CILP: variants seen among roughly 807,000 people sequenced by gnomAD.
CILP encodes cartilage intermediate layer protein 1.
A neutral mutation model predicts 82.5 loss-of-function variants in CILP; 75 were observed. That is an observed-to-expected ratio of 0.91 (90% confidence interval 0.75 to 1.10). The LOEUF (loss-of-function observed/expected upper bound fraction) is 1.10. Among genes scored for constraint, CILP ranks in the 50% least tolerant of loss-of-function variants. The pLI is 0.00. For missense variants in CILP, 1,479 were observed against 1,530.8 expected (o/e 0.97, Z 0.56); for synonymous variants, 530 against 580.3 (o/e 0.91, Z 1.25).
chr15:65,211,044 AGAGGTT>A (rs1261574486), intron 1 of CILP, among the ~76,000 whole-genome samples: 1 of 152,230 alleles, frequency 6.6e-6, no homozygotes, highest in Non-Finnish European at 1.5e-5. Context: ...GGCAGCCCAC[AGAGGTT>A]TCTCAGCATC....
rs143814711 is a variant in CILP at position 65,204,460 on chromosome 15, T to C, written c.727A>G (p.Ile243Val). Residue 243 changes from isoleucine to valine, a missense_variant, in exon 6 of 9, where the codon ATC becomes GTC. By Grantham distance (29) the Ile-to-Val change is conservative. Coordinates refer to ENST00000261883, the MANE Select transcript of CILP (RefSeq NM_003613.4). ...PGGAPASGAAIYLLTKTPKLL... is the reference protein window; with the variant it reads ...PGGAPASGAAVYLLTKTPKLL... ...TTCGGCGTCTTGGTCAGGAGGTAGA[T>C]AGCAGCCCCTGAGGCTGGGGCACCT... is the stretch of plus-strand genomic sequence containing the variant. The C allele has an allele frequency of 1.2e-6, 2 of 1,613,998 alleles. No individual in the cohort carries two copies. The highest frequency in any genetic ancestry group is 2.2e-5 in the South Asian group (2 of 91,032).
chr15:65,198,095 C>G lies in CILP; in HGVS notation c.2191G>C (p.Val731Leu), dbSNP rs772774382. 3.1e-6 allele frequency: 5 copies of G among 1,614,124 alleles called. No homozygotes were observed. The East Asian group carries it at 1.1e-4, about 36-fold the overall frequency. ...CTCTCACGAATCTCCAGGTTGCCCA[C>G]CAGGAAGGTTCTGTCTTCTCTTTTG... The part of the protein sequence containing the change: ...RNKREDRTFL[V>L]GNLEIRERRL... The change falls in exon 9 of 9, where the codon GTG (valine) becomes CTG (leucine). Residue 731 changes from valine (V) to leucine (L), a missense_variant. Coordinates refer to ENST00000261883, the MANE Select transcript of CILP (RefSeq NM_003613.4).
chr15:65,205,570 A>T, intron 4 of CILP, 104 bp from the exon 5 acceptor site: 2 of 1,146,592 alleles, frequency 1.7e-6, no homozygotes, highest in Non-Finnish European at 2.4e-6. Flanking sequence ...CAAGGTTTCC[A>T]TTTATGTCGT....
At position 65,200,050 on chromosome 15, in the gene CILP, C is replaced by T. The variant is rs74020182; in HGVS notation, c.1187-951G>A. Among the ~76,000 whole-genome samples the T allele has an allele frequency of 5.0e-3, 762 of 152,234 alleles. 5 individuals carry two copies. Among genetic ancestry groups the T allele is most frequent in the African/African-American group, 0.018 (742 of 41,520 alleles). On this transcript the variant is annotated intron_variant, in intron 8 of 8. Coordinates refer to ENST00000261883, the MANE Select transcript of CILP (RefSeq NM_003613.4). ...CCTCTGTATCCATCAGCACTTGTAG[C>T]GGTCATGTTTATGGTGACCCTGGAT... is the stretch of plus-strand genomic sequence containing the variant.
Position 65,198,571 on chromosome 15 carries a change from C to T in CILP, c.1715G>A (p.Arg572His), listed in dbSNP as rs764059073. 6.4e-5 allele frequency: 103 copies of T among 1,614,102 alleles called. No homozygotes were observed. The highest frequency in any genetic ancestry group is 8.1e-5 in the Non-Finnish European group (96 of 1,180,038). Reference protein sequence around the residue: ...SAVFHEIKMLRRKKPITLEAM... With the variant: ...SAVFHEIKMLHRKKPITLEAM... ...TTCCAAAGTGATGGGCTTTTTCCGA[C>T]GAAGCATCTTGATTTCATGGAACAC... Residue 572 changes from arginine (R) to histidine (H), a missense_variant, in exon 9 of 9, where the codon CGT becomes CAT. By Grantham distance (29) the Arg-to-His change is conservative. Transcript: ENST00000261883.
intron 8 of CILP, among the ~76,000 whole-genome samples, chr15:65,200,395 A>G (rs886704939): frequency 2.6e-5 from 4 of 152,114 alleles, no homozygotes; most frequent in African/African-American, 9.7e-5. Context: ...TCTGTTGCTC[A>G]ACTTTTTAAG....
chr15:65,197,911 G>A lies in CILP; in HGVS notation c.2375C>T (p.Ala792Val). The part of the protein sequence containing the change: ...PRTGFLSNPR[A>V]WGRFDSVITG... ...GATGACACTGTCAAAGCGGCCCCAGGCCCTAGGGTTGGACAAGAAGCCAGT... is the reference window on the plus strand; with the variant it reads ...GATGACACTGTCAAAGCGGCCCCAGACCCTAGGGTTGGACAAGAAGCCAGT... The change falls in exon 9 of 9, where the codon GCC (alanine) becomes GTC (valine). Residue 792 changes from alanine (A) to valine (V), a missense_variant. By Grantham distance (64) the Ala-to-Val change is moderately conservative. Transcript: ENST00000261883. 1 of 1,614,104 alleles carries A rather than the reference G, an allele frequency of 6.2e-7. No homozygotes were observed. Among genetic ancestry groups the A allele is most frequent in the Non-Finnish European group, 8.5e-7 (1 of 1,180,020 alleles).
chr15:65,202,110 A>G lies in CILP; in HGVS notation c.1029-81T>C, dbSNP rs2088464732. On this transcript the variant is annotated intron_variant, in intron 7 of 8. Transcript: ENST00000261883. ...AGAAAAGTGCCAGGAGCAGGCAGCC[A>G]AGGAGACAGATGATGAATGGGTTCC... 35 of 1,214,714 alleles carry G rather than the reference A, an allele frequency of 2.9e-5. No homozygotes were observed. In the South Asian group the frequency reaches 6.1e-4, roughly 21 times the overall value. The allele number at this position is 1,214,714 out of a possible 1,614,324, so 75.2% of individuals were successfully genotyped here.
chr15:65,210,629 G>C (rs1235856623), intron 1 of CILP, among the ~76,000 whole-genome samples: 1 of 152,212 alleles, frequency 6.6e-6, no homozygotes, highest in Admixed American at 6.5e-5. Context: ...TCTCCCCAGA[G>C]CTCCGGCCAA....
intron 6 of CILP, 36 bp from the exon 7 acceptor site, chr15:65,203,506 TTGTGTG>T: frequency 6.7e-7 from 1 of 1,496,568 alleles, no homozygotes; most frequent in African/African-American, 1.4e-5. Context: ...TTTTGGGTTT[TTGTGTG>T]TGTGTGTGAC....
At position 65,196,830 on chromosome 15, in the gene CILP, C is replaced by T. The variant is rs200931392; in HGVS notation, c.3456G>A (p.Ser1152=). ...AAGTVQGRVP[S]RRQQRASRGG... is the part of the protein sequence containing the mutation. ...CCCTGCTCGCTCGCTGCTGCCTCCT[C>T]GAGGGCACTCTTCCTTGGACAGTGC... The change falls in exon 9 of 9, where the codon TCG becomes TCA. Residue 1152 remains serine, a synonymous_variant. Coordinates refer to ENST00000261883, the MANE Select transcript of CILP (RefSeq NM_003613.4). 1.7e-5 allele frequency: 28 copies of T among 1,612,472 alleles called. No homozygotes were observed. The East Asian group carries it at 1.8e-4, about 10-fold the overall frequency.
At chr15:65,205,262 C>A in intron 5 of CILP, 25 bp downstream of exon 5, 4 of 1,578,728 alleles carry the variant, frequency 2.5e-6, no homozygotes, top group Non-Finnish European at 3.5e-6. Flanking sequence ...CACACCCTGC[C>A]CAGTGCCAGG....
chr15:65,198,901 TC>T lies in CILP; in HGVS notation c.1384del (p.Glu462LysfsTer56), dbSNP rs777219348. 3 of 1,614,052 alleles carry T rather than the reference TC, an allele frequency of 1.9e-6. No homozygotes were observed. Among genetic ancestry groups the T allele is most frequent in the African/African-American group, 1.3e-5 (1 of 75,040 alleles). ...GTAGCCACTGCACTGGATCTCCCTT[TC>T]CTCTGTCTTGGAGATGCCACAGCAG... ...QNCCGISKTE[E>X]REIQCSGYTL... On this transcript the variant is annotated frameshift_variant, in exon 9 of 9. Transcript: ENST00000261883. LOFTEE classifies it high-confidence loss of function.
Position 65,198,526 on chromosome 15 carries a change from A to G in CILP, c.1760T>C (p.Ile587Thr), listed in dbSNP as rs374945156. 1.2e-6 allele frequency: 2 copies of G among 1,614,064 alleles called. No homozygotes were observed. The highest frequency in any genetic ancestry group is 1.3e-5 in the African/African-American group (1 of 74,932). Residue 587 changes from isoleucine to threonine, a missense_variant, in exon 9 of 9, where the codon ATC becomes ACC. Ile to Thr is a moderately conservative substitution (Grantham distance 89). Coordinates refer to ENST00000261883, the MANE Select transcript of CILP (RefSeq NM_003613.4). ...TTCACCAACCACTTCCCCCAGGGGG[A>G]TGATGTTGGTCTCCATGGCTTCCAA... is the stretch of plus-strand genomic sequence containing the variant. ...ITLEAMETNIIPLGEVVGEDP... is the reference protein window; with the variant it reads ...ITLEAMETNITPLGEVVGEDP...
chr15:65,205,660 C>A (rs1595960173), intron 4 of CILP, among the ~76,000 whole-genome samples, 194 bp from the exon 5 acceptor site: 1 of 152,218 alleles, frequency 6.6e-6, no homozygotes, highest in East Asian at 1.9e-4. Context: ...CTCTAATTTG[C>A]ACAGAGGCAC....
At position 65,205,340 on chromosome 15, in the gene CILP, A is replaced by G; in HGVS notation, c.551T>C (p.Leu184Pro). 1 of 1,614,112 alleles carries G rather than the reference A, an allele frequency of 6.2e-7. No homozygotes were observed. The highest frequency in any genetic ancestry group is 1.1e-5 in the South Asian group (1 of 91,086). Reference sequence around the variant, plus strand: ...ACCCTCTTCGCTGGCCTCACTGCACAGCGACACCATCTCTGCCAAGCAAAT... The same window carrying G: ...ACCCTCTTCGCTGGCCTCACTGCACGGCGACACCATCTCTGCCAAGCAAAT... The part of the protein sequence containing the change: ...TRICLAEMVS[L>P]CSEASEEGQH... Residue 184 changes from leucine to proline, a missense_variant, in exon 5 of 9, where the codon CTG (leucine) becomes CCG (proline). By Grantham distance (98) the Leu-to-Pro change is moderately conservative. Transcript: ENST00000261883.
In CILP at chr15:65,194,763, G is replaced by T. The variant is rs1353877157; in HGVS notation, c.*1968C>A. The T allele has an allele frequency of 6.6e-6, 1 of 152,122 alleles. No homozygotes were observed. The highest frequency in any genetic ancestry group is 1.5e-5 in the Non-Finnish European group (1 of 68,056). 9.4% of individuals were successfully genotyped at this position (152,122 alleles called of 1,614,324 possible). A position where few individuals can be genotyped will look rare whatever the true frequency, so the allele number is the denominator to read the frequency against. On this transcript the variant is annotated 3_prime_UTR_variant, in exon 9 of 9. Coordinates refer to ENST00000261883, the MANE Select transcript of CILP (RefSeq NM_003613.4). ...GAAAAAGTCAGGCATCAGATGCTGT[G>T]TGCTGGAGTCCATTTATTCAGGCCC...
At position 65,196,743 on chromosome 15, in the gene CILP, G is replaced by C. The variant is rs113047915; in HGVS notation, c.3543C>G (p.Pro1181=). The C allele has an allele frequency of 1.6e-4, 241 of 1,537,382 alleles. 8 individuals carry two copies. In the African/African-American group the frequency reaches 2.6e-3, roughly 17 times the overall value. The change falls in exon 9 of 9, where the codon CCC becomes CCG. Residue 1181 remains proline, a synonymous_variant. Coordinates refer to ENST00000261883, the MANE Select transcript of CILP (RefSeq NM_003613.4). Reference sequence around the variant, plus strand: ...AGTACCACAAAACTTAGTTGATCAGGGGCTGTTGAGCAACTCTAGGAAATC... The same window carrying C: ...AGTACCACAAAACTTAGTTGATCAGCGGCTGTTGAGCAACTCTAGGAAATC... ...SLRFPRVAQQ[P]LIN
intron 8 of CILP, 68 bp downstream of exon 8, chr15:65,201,804 A>G: frequency 9.0e-7 from 1 of 1,115,216 alleles, no homozygotes; most frequent in East Asian, 2.8e-5. Flanking sequence ...CTGCATAGTT[A>G]TGCCCACCTG....
Sources: gnomAD v4.1 joint callset for allele counts (sites outside exome capture counted in the v4.1 genomes callset) on GRCh38, gnomAD v4.1.1 for gene constraint, MANE v1.5 for transcripts, NCBI Gene and HGNC (gene_info 2026-07-23, HGNC 2026-07-21) for gene names.